The following NRP1 variants were observed in gnomAD, a reference collection of about 807,000 sequenced individuals.
NRP1 encodes neuropilin 1, also known as neuropilin-1.
Under a neutral mutation model 106.7 loss-of-function variants are expected in NRP1, and 35 were observed. The ratio of observed to expected loss-of-function variants is 0.33; its 90% CI spans 0.25 to 0.43. The LOEUF (loss-of-function observed/expected upper bound fraction) is 0.43, where lower values mean the gene tolerates loss of function less well. Among genes scored for constraint, NRP1 ranks in the 20% least tolerant of loss-of-function variants. NRP1 has a pLI of 1.00. For synonymous variants in NRP1, 437 were observed against 417.9 expected, an observed-to-expected ratio of 1.05 and a Z score of -0.56; for missense variants, 1,024 against 1,170.4, an observed-to-expected ratio of 0.87 and a Z score of 1.83.
intron 2 of NRP1, among the ~76,000 whole-genome samples, chr10:33,290,429 A>G (rs532338263): frequency 8.6e-5 from 13 of 151,542 alleles, no homozygotes; most frequent in African/African-American, 2.9e-4. Context: ...AAACCACAGG[A>G]CAGACAAAAG....
intron 6 of NRP1, among the ~76,000 whole-genome samples, chr10:33,236,615 G>T (rs1259827378): frequency 6.6e-6 from 1 of 152,184 alleles, no homozygotes; most frequent in Non-Finnish European, 1.5e-5. Context: ...TACCCTGTAA[G>T]ATTAAATAGA....
rs71030049 is a variant in NRP1 at position 33,232,638 on chromosome 10, CTTTTTTTTTTTT to C, written c.982-6361_982-6350del. 8.5e-5 allele frequency among the ~76,000 whole-genome samples: 8 copies of C among 94,214 alleles called. No homozygotes were observed. In the South Asian group the frequency reaches 2.0e-3, roughly 23 times the overall value. The allele number at this position is 94,214 out of a possible 152,430, so 61.8% of individuals were successfully genotyped here. A position where few individuals can be genotyped will look rare whatever the true frequency, so the allele number is the denominator to read the frequency against. ...TAGTGGCCGCTTTCTTTTTCTTTTCCTTTTTTTTTTTTTTTTTTTTTTTGAGACAGAGTCTCA... is the reference window on the plus strand; with the variant it reads ...TAGTGGCCGCTTTCTTTTTCTTTTCCTTTTTTTTTTTGAGACAGAGTCTCA... On this transcript the variant is annotated intron_variant, in intron 6 of 16. Transcript: ENST00000374867.
intron 2 of NRP1, among the ~76,000 whole-genome samples, chr10:33,315,944 C>G (rs1328475538): frequency 6.6e-6 from 1 of 152,134 alleles, no homozygotes; most frequent in African/African-American, 2.4e-5. Context: ...CCATTTTTGG[C>G]TAGAATAGAT....
At chr10:33,259,564 A>G (rs934422675) in intron 4 of NRP1, among the ~76,000 whole-genome samples, 16 of 152,244 alleles carry the variant, frequency 1.1e-4, no homozygotes, top group African/African-American at 3.9e-4. Context: ...CAAAAACAGA[A>G]GTATAATTCA....
intron 2 of NRP1, among the ~76,000 whole-genome samples, chr10:33,302,639 G>A (rs1159466009): frequency 1.3e-5 from 2 of 152,166 alleles, no homozygotes; most frequent in Non-Finnish European, 2.9e-5. Flanking sequence ...TAATGAGGAG[G>A]TAGGGCTTGG....
At chr10:33,249,084 G>GT (rs750905931) in intron 6 of NRP1, among the ~76,000 whole-genome samples, 7,608 of 72,002 alleles carry the variant, frequency 0.11, 1,157 homozygotes, top group Non-Finnish European at 0.12. Context: ...TATGTCTCTT[G>GT]TTTTTTTTTT....
rs1845152716 is a variant in NRP1 at position 33,293,514 on chromosome 10, C to T, written c.249-22658G>A. ...AATTTGGAGGGCATCTTCTCTGACC[C>T]CTAAATGCTACCGATAAGGAAACAG... On this transcript the variant is annotated intron_variant, in intron 2 of 16. Coordinates refer to ENST00000374867, the MANE Select transcript of NRP1 (RefSeq NM_003873.7). Among the ~76,000 whole-genome samples, 5 of 152,288 alleles carry T rather than the reference C, an allele frequency of 3.3e-5. No individual in the cohort carries two copies. The South Asian group carries it at 8.3e-4, about 25-fold the overall frequency.
chr10:33,181,353 A>G lies in NRP1; in HGVS notation c.2483-988T>C, dbSNP rs577465670. On this transcript the variant is annotated intron_variant, in intron 16 of 16. Transcript: ENST00000374867. ...AAATATTGTTTTGAAACAACCTCTA[A>G]TAAAGTTTACATCTCTGTGTGGACT... 8.5e-5 allele frequency among the ~76,000 whole-genome samples: 13 copies of G among 152,400 alleles called. No individual in the cohort carries two copies. In the South Asian group the frequency reaches 2.5e-3, roughly 29 times the overall value.
chr10:33,310,473 AC>A (rs1846519598), intron 2 of NRP1, among the ~76,000 whole-genome samples: 1 of 144,918 alleles, frequency 6.9e-6, no homozygotes, highest in African/African-American at 2.6e-5. Context: ...CTGATTTTGA[AC>A]TCCTGACCTC....
Position 33,305,171 on chromosome 10 carries a change from A to G in NRP1, c.248+25537T>C, listed in dbSNP as rs1253983911. 2.6e-5 allele frequency among the ~76,000 whole-genome samples: 4 copies of G among 152,278 alleles called. No individual in the cohort carries two copies. The East Asian group carries it at 7.7e-4, about 29-fold the overall frequency. On this transcript the variant is annotated intron_variant, in intron 2 of 16. Transcript: ENST00000374867. ...CTATCATATATTTAGGTGAATAACT[A>G]TTCCAATGTGCTGGATGGCACTTTA...
chr10:33,305,926 G>T (rs1040182476), intron 2 of NRP1, among the ~76,000 whole-genome samples: 2 of 151,702 alleles, frequency 1.3e-5, no homozygotes, highest in East Asian at 3.9e-4. Flanking sequence ...ATACCACCAC[G>T]CCCGGCTAAT....
intron 6 of NRP1, among the ~76,000 whole-genome samples, chr10:33,250,428 T>TA (rs1335291692): frequency 6.6e-6 from 1 of 152,222 alleles, no homozygotes. Flanking sequence ...AACCTGAAGC[T>TA]AAGCTTTTGT....
At chr10:33,290,200 A>G (rs1452377135) in intron 2 of NRP1, among the ~76,000 whole-genome samples, 1 of 152,266 alleles carries the variant, frequency 6.6e-6, no homozygotes, top group Non-Finnish European at 1.5e-5. Context: ...ATGCTTGAGC[A>G]TAAATATAAA....
In NRP1 at chr10:33,263,792, AG is replaced by A; in HGVS notation, c.511del (p.Glu172AsnfsTer40). 1 of 1,613,860 alleles carries A rather than the reference AG, an allele frequency of 6.2e-7. No individual in the cohort carries two copies. Among genetic ancestry groups the A allele is most frequent in the Non-Finnish European group, 8.5e-7 (1 of 1,179,708 alleles). On this transcript the variant is annotated frameshift_variant, in exon 4 of 17. Coordinates refer to ENST00000374867, the MANE Select transcript of NRP1 (RefSeq NM_003873.7). LOFTEE classifies it high-confidence loss of function. ...PGFPEKYPNS[L>X]ECTYIVFVPK... ...CACAAAGACAATATAAGTGCATTCAAGGCTGTTGGGATATTTTTCAGGGAAT... is the reference window on the plus strand; with the variant it reads ...CACAAAGACAATATAAGTGCATTCAAGCTGTTGGGATATTTTTCAGGGAAT...
chr10:33,192,256 G>A, intron 13 of NRP1, 25 bp downstream of exon 13: 1 of 1,599,842 alleles, frequency 6.3e-7, no homozygotes, highest in Middle Eastern at 1.7e-4. Flanking sequence ...GCAAAGCCAT[G>A]CAGCCGAAGT....
intron 8 of NRP1, among the ~76,000 whole-genome samples, chr10:33,220,679 C>T (rs1432299710): frequency 6.6e-6 from 1 of 151,894 alleles, no homozygotes; most frequent in Non-Finnish European, 1.5e-5. Context: ...TGTGGATCAC[C>T]TGAGGTCAGG....
At chr10:33,283,752 T>A (rs142966132) in intron 2 of NRP1, among the ~76,000 whole-genome samples, 1 of 152,294 alleles carries the variant, frequency 6.6e-6, no homozygotes, top group Non-Finnish European at 1.5e-5. Context: ...CCTCATGATT[T>A]ATATGGACCT....
chr10:33,280,919 C>T (rs994784327), intron 2 of NRP1, among the ~76,000 whole-genome samples: 4 of 150,868 alleles, frequency 2.7e-5, no homozygotes, highest in South Asian at 2.1e-4. Flanking sequence ...GAGGTTGAAC[C>T]GAGATGGCAC....
intron 2 of NRP1, among the ~76,000 whole-genome samples, chr10:33,320,157 C>T (rs1847387578): frequency 6.6e-6 from 1 of 151,680 alleles, no homozygotes; most frequent in South Asian, 2.1e-4. Flanking sequence ...TACTAAAATA[C>T]AAAAAATTAG....
Sources: allele counts gnomAD v4.1 joint callset (sites outside exome capture counted in the v4.1 genomes callset), GRCh38; gene constraint gnomAD v4.1.1; transcripts MANE v1.5; gene names NCBI Gene and HGNC (gene_info 2026-07-23, HGNC 2026-07-21).